The following SDK1 variants were observed in gnomAD, a reference collection of about 807,000 sequenced individuals.
SDK1 encodes the protein protein sidekick-1.
A neutral mutation model predicts 245.5 loss-of-function variants in SDK1; 157 were observed. The ratio of observed to expected loss-of-function variants is 0.64; its 90% CI spans 0.56 to 0.73. The LOEUF (loss-of-function observed/expected upper bound fraction) is 0.73. SDK1 is among the 30% of genes least tolerant of loss of function. The pLI is 0.00. For synonymous variants in SDK1, 1,647 were observed against 1,278.5 expected (o/e 1.29, Z -6.15); for missense variants, 3,583 against 3,002.3 (o/e 1.19, Z -4.52).
chr7:3,929,822 G>A (rs1385956827), intron 5 of SDK1, among the ~76,000 whole-genome samples: 1 of 152,066 alleles, frequency 6.6e-6, no homozygotes, highest in East Asian at 1.9e-4. Context: ...GAATACCTGA[G>A]GCTGGTAATT....
chr7:3,942,420 A>G (rs1322315916), intron 5 of SDK1, among the ~76,000 whole-genome samples: 1 of 152,224 alleles, frequency 6.6e-6, no homozygotes, highest in African/African-American at 2.4e-5. Context: ...TTCTCTCCAG[A>G]TAACCAGTTG....
chr7:3,689,914 A>C (rs1303436189), intron 4 of SDK1, among the ~76,000 whole-genome samples: 2 of 152,252 alleles, frequency 1.3e-5, no homozygotes, highest in African/African-American at 4.8e-5. Context: ...ATGTGTGTCT[A>C]TTGCAAACAA....
chr7:3,769,123 G>A (rs949696442), intron 4 of SDK1, among the ~76,000 whole-genome samples: 30 of 152,280 alleles, frequency 2.0e-4, no homozygotes, highest in African/African-American at 7.2e-4. Flanking sequence ...GCACTTTTAA[G>A]AAGTAATACA....
At chr7:4,151,617 TCAC>T (rs776308873) in intron 30 of SDK1, among the ~76,000 whole-genome samples, 1 of 152,112 alleles carries the variant, frequency 6.6e-6, no homozygotes, top group East Asian at 1.9e-4. Context: ...TGACAGGACT[TCAC>T]CACCACCACC....
intron 5 of SDK1, among the ~76,000 whole-genome samples, chr7:3,866,878 C>A (rs753562059): frequency 1.3e-5 from 2 of 152,102 alleles, no homozygotes; most frequent in Non-Finnish European, 2.9e-5. Context: ...AACCCATTAG[C>A]CATGGGAGCT....
At chr7:3,477,699 A>T (rs1781391888) in intron 1 of SDK1, among the ~76,000 whole-genome samples, 1 of 151,738 alleles carries the variant, frequency 6.6e-6, no homozygotes, top group South Asian at 2.1e-4. Context: ...TTTTTTGTGG[A>T]GATAGAGTCC....
chr7:4,045,147 A>C (rs1471899008), intron 17 of SDK1, among the ~76,000 whole-genome samples: 1 of 152,198 alleles, frequency 6.6e-6, no homozygotes, highest in Non-Finnish European at 1.5e-5. Context: ...CCATAGACAC[A>C]CTACAGTTTG....
At chr7:3,880,733 T>G (rs1781188666) in intron 5 of SDK1, among the ~76,000 whole-genome samples, 1 of 152,046 alleles carries the variant, frequency 6.6e-6, no homozygotes, top group Admixed American at 6.6e-5. Context: ...CAGCCTTCAC[T>G]TCACTGAAAG....
rs368116990 is a variant in SDK1 at position 4,157,978 on chromosome 7, A to T, written c.4626-470A>T. On this transcript the variant is annotated intron_variant, in intron 30 of 44. Coordinates refer to ENST00000404826, the MANE Select transcript of SDK1 (RefSeq NM_152744.4). Reference sequence around the variant, plus strand: ...AGAATCAGGCAGGAACTCATTTTATACTTCGGATCAGCACAAGGGCCCGGG... The same window carrying T: ...AGAATCAGGCAGGAACTCATTTTATTCTTCGGATCAGCACAAGGGCCCGGG... Among the ~76,000 whole-genome samples, 334 of 152,258 alleles carry T rather than the reference A, an allele frequency of 2.2e-3. 13 individuals are homozygous for T. In the South Asian group the frequency reaches 0.065, roughly 30 times the overall value.
chr7:3,340,531 G>A (rs1226332349), intron 1 of SDK1, among the ~76,000 whole-genome samples: 1 of 152,164 alleles, frequency 6.6e-6, no homozygotes, highest in African/African-American at 2.4e-5. Flanking sequence ...GGGAGGCCAA[G>A]GTGGGTGGCT....
rs143220655 is a variant in SDK1 at position 4,077,338 on chromosome 7, G to A, written c.3202+149G>A. 3.0e-3 allele frequency: 2,133 copies of A among 722,020 alleles called. 8 individuals carry two copies. The highest frequency in any genetic ancestry group is 3.6e-3 in the Non-Finnish European group (1,574 of 434,018). The allele number at this position is 722,020 out of a possible 1,614,324, so 44.7% of individuals were successfully genotyped here. ...TGCCAAGATGCTGGAGGGTAAATGG[G>A]TGTTGACCCCACTTCAGCCCCATTC... On this transcript the variant is annotated intron_variant, in intron 21 of 44. Coordinates refer to ENST00000404826, the MANE Select transcript of SDK1 (RefSeq NM_152744.4).
intron 4 of SDK1, among the ~76,000 whole-genome samples, chr7:3,671,112 C>G (rs1032501906): frequency 6.6e-6 from 1 of 152,142 alleles, no homozygotes; most frequent in African/African-American, 2.4e-5. Flanking sequence ...TGCCTTACCC[C>G]TGAGTTTTCA....
intron 4 of SDK1, among the ~76,000 whole-genome samples, chr7:3,672,823 C>G (rs1441182022): frequency 9.4e-6 from 1 of 105,994 alleles, no homozygotes; most frequent in African/African-American, 3.6e-5. Context: ...TAAGTATGCA[C>G]AGATCACACT....
At chr7:3,855,539 A>T (rs1780524204) in intron 5 of SDK1, among the ~76,000 whole-genome samples, 1 of 152,210 alleles carries the variant, frequency 6.6e-6, no homozygotes, top group Non-Finnish European at 1.5e-5. Context: ...ATGTATCAAC[A>T]GAAGACTAGG....
At chr7:3,654,494 C>G (rs565503763) in intron 4 of SDK1, among the ~76,000 whole-genome samples, 1 of 152,156 alleles carries the variant, frequency 6.6e-6, no homozygotes, top group African/African-American at 2.4e-5. Flanking sequence ...AAAGGGTTAC[C>G]TTATAAGCAA....
At chr7:3,713,679 G>A (rs1050206345) in intron 4 of SDK1, among the ~76,000 whole-genome samples, 12 of 152,186 alleles carry the variant, frequency 7.9e-5, no homozygotes, top group African/African-American at 2.9e-4. Context: ...TTCTGTCACA[G>A]TATTTGATCA....
intron 32 of SDK1, among the ~76,000 whole-genome samples, chr7:4,164,673 C>G (rs1256940249): frequency 6.6e-6 from 1 of 152,226 alleles, no homozygotes; most frequent in Admixed American, 6.5e-5. Flanking sequence ...GATGCGTCAC[C>G]TCCTCCAAAC....
intron 17 of SDK1, among the ~76,000 whole-genome samples, chr7:4,048,804 AAG>A: frequency 6.6e-6 from 1 of 152,340 alleles, no homozygotes; most frequent in Non-Finnish European, 1.5e-5. Flanking sequence ...TGTTCTGTAA[AAG>A]AGAGAAACAA....
intron 4 of SDK1, among the ~76,000 whole-genome samples, chr7:3,645,410 G>T (rs971005452): frequency 6.6e-6 from 1 of 152,110 alleles, no homozygotes; most frequent in Non-Finnish European, 1.5e-5. Context: ...ATCACCCCAA[G>T]TCTATTAAGT....
Sources: allele counts gnomAD v4.1 joint callset (sites outside exome capture counted in the v4.1 genomes callset), GRCh38; gene constraint gnomAD v4.1.1; transcripts MANE v1.5; gene names NCBI Gene and HGNC (gene_info 2026-07-23, HGNC 2026-07-21).